The following ERBB4 variants were observed in gnomAD, a reference collection of about 807,000 sequenced individuals.
ERBB4 encodes receptor tyrosine-protein kinase erbB-4.
ERBB4 carries 42 observed loss-of-function variants against 158.0 expected under a neutral mutation model. The ratio of observed to expected loss-of-function variants is 0.27; its 90% CI spans 0.21 to 0.34. The LOEUF is 0.34. Among genes scored for constraint, ERBB4 ranks in the 10% least tolerant of loss-of-function variants. ERBB4 has a pLI of 1.00. For synonymous variants in ERBB4, 583 were observed against 558.7 expected, an observed-to-expected ratio of 1.04 and a Z score of -0.61; for missense variants, 1,333 against 1,624.1, an observed-to-expected ratio of 0.82 and a Z score of 3.08.
intron 2 of ERBB4, among the ~76,000 whole-genome samples, chr2:212,042,009 T>C (rs980778249): frequency 1.3e-5 from 2 of 152,080 alleles, no homozygotes; most frequent in African/African-American, 2.4e-5. Flanking sequence ...TTGTTCCTCT[T>C]TGCCAAGAGG....
At chr2:212,104,576 C>T (rs951449448) in intron 2 of ERBB4, among the ~76,000 whole-genome samples, 2 of 151,990 alleles carry the variant, frequency 1.3e-5, no homozygotes, top group African/African-American at 2.4e-5. Context: ...CATTAATATA[C>T]TCATTTTACA....
rs769458178 is a variant in ERBB4, at chr2:211,570,325, C to CTTTTTTTTTT, written c.2302-8247_2302-8238dup. Among the ~76,000 whole-genome samples, 330 of 105,182 alleles carry CTTTTTTTTTT rather than the reference C, an allele frequency of 3.1e-3. 19 individuals carry two copies. The highest frequency in any genetic ancestry group is 0.011 in the African/African-American group (280 of 25,334). The allele number at this position is 105,182 out of a possible 152,430, so 69.0% of individuals were successfully genotyped here. ...CGCCACCACACTTGGCTAATTTTTG[C>CTTTTTTTTTT]TTTTTTTTTTTTTTTTTTCTCAGTA... On this transcript the variant is annotated intron_variant, in intron 19 of 27. Transcript: ENST00000342788.
At chr2:211,758,808 G>C (rs147258910) in intron 4 of ERBB4, among the ~76,000 whole-genome samples, 79 of 152,300 alleles carry the variant, frequency 5.2e-4, no homozygotes, top group African/African-American at 1.7e-3. Flanking sequence ...ATATGTAGTG[G>C]TGGGCCTTCC....
intron 3 of ERBB4, among the ~76,000 whole-genome samples, chr2:211,804,223 T>G (rs1575169694): frequency 6.6e-6 from 1 of 152,126 alleles, no homozygotes; most frequent in East Asian, 1.9e-4. Context: ...ATAAAAAATC[T>G]AAAGATTAGA....
At chr2:211,744,849 G>A (rs562703097) in intron 5 of ERBB4, among the ~76,000 whole-genome samples, 1 of 152,166 alleles carries the variant, frequency 6.6e-6, no homozygotes, top group Non-Finnish European at 1.5e-5. Flanking sequence ...AAGTCTCAAA[G>A]AATAATTATC....
chr2:211,630,303 C>T (rs142409433), intron 17 of ERBB4, among the ~76,000 whole-genome samples, 159 bp downstream of exon 17: 2 of 152,162 alleles, frequency 1.3e-5, no homozygotes, highest in African/African-American at 4.8e-5. Context: ...ACAACATAAT[C>T]TGATTTTTCA....
intron 3 of ERBB4, among the ~76,000 whole-genome samples, chr2:211,897,987 C>A (rs1184208411): frequency 6.6e-6 from 1 of 151,942 alleles, no homozygotes; most frequent in African/African-American, 2.4e-5. Flanking sequence ...TGGTCTTGAA[C>A]TCCTGAGTTC....
At chr2:211,713,866 C>T (rs1194563063) in intron 7 of ERBB4, among the ~76,000 whole-genome samples, 1 of 152,138 alleles carries the variant, frequency 6.6e-6, no homozygotes, top group Admixed American at 6.5e-5. Context: ...TGCTTGGTTA[C>T]TGCTCCACAT....
intron 2 of ERBB4, among the ~76,000 whole-genome samples, chr2:212,028,984 C>A (rs1228045579): frequency 6.6e-6 from 1 of 152,128 alleles, no homozygotes; most frequent in South Asian, 2.1e-4. Flanking sequence ...GGGGTGGAAG[C>A]AGATTTCCAC....
intron 1 of ERBB4, among the ~76,000 whole-genome samples, chr2:212,193,119 C>T (rs2082322599): frequency 1.3e-5 from 2 of 152,088 alleles, no homozygotes; most frequent in Non-Finnish European, 2.9e-5. Context: ...CATGTTTTTA[C>T]CTCCTGGGTT....
chr2:211,547,412 C>T (rs1453785602), intron 20 of ERBB4, among the ~76,000 whole-genome samples: 1 of 151,956 alleles, frequency 6.6e-6, no homozygotes, highest in African/African-American at 2.4e-5. Flanking sequence ...CAGAAAAAGG[C>T]AAATCTTATC....
At position 211,999,731 on chromosome 2, in the gene ERBB4, T is replaced by C. The variant is rs76660311; in HGVS notation, c.235-52115A>G. 1.1e-4 allele frequency among the ~76,000 whole-genome samples: 17 copies of C among 151,938 alleles called. No homozygotes were observed. The East Asian group carries it at 2.7e-3, about 24-fold the overall frequency. On this transcript the variant is annotated intron_variant, in intron 2 of 27. Transcript: ENST00000342788. ...TGCTTGAATTTCTTTTACCTCTGTC[T>C]ATAATTTTTGTGTGTGTTGAAGATT...
chr2:211,534,704 G>A (rs1257135914), intron 20 of ERBB4, among the ~76,000 whole-genome samples: 1 of 152,044 alleles, frequency 6.6e-6, no homozygotes, highest in Non-Finnish European at 1.5e-5. Context: ...AGCAGTCAGG[G>A]ATAAAAAGGA....
intron 1 of ERBB4, among the ~76,000 whole-genome samples, chr2:212,145,329 A>C (rs1182784013): frequency 1.3e-5 from 2 of 151,614 alleles, no homozygotes; most frequent in Non-Finnish European, 2.9e-5. Context: ...ACACTATCAG[A>C]GCCTCCTTTT....
At chr2:211,930,065 T>C (rs1408386621) in intron 3 of ERBB4, among the ~76,000 whole-genome samples, 1 of 152,174 alleles carries the variant, frequency 6.6e-6, no homozygotes, top group Non-Finnish European at 1.5e-5. Flanking sequence ...ATTACAATTA[T>C]TTTACAGAAA....
At chr2:211,492,126 A>G (rs1259876896) in intron 20 of ERBB4, among the ~76,000 whole-genome samples, 3 of 152,052 alleles carry the variant, frequency 2.0e-5, no homozygotes, top group Non-Finnish European at 4.4e-5. Flanking sequence ...GGATATATTT[A>G]CCAGCTAAAG....
At chr2:211,487,060 A>G (rs1016183956) in intron 20 of ERBB4, among the ~76,000 whole-genome samples, 1 of 151,338 alleles carries the variant, frequency 6.6e-6, no homozygotes, top group Admixed American at 6.6e-5. Context: ...GGTTTGTTAC[A>G]TATGTATACA....
chr2:211,417,460 T>G (rs2063419309), intron 25 of ERBB4, among the ~76,000 whole-genome samples: 1 of 152,028 alleles, frequency 6.6e-6, no homozygotes, highest in Admixed American at 6.6e-5. Flanking sequence ...GGTGACAGAG[T>G]GAGATCCTGT....
chr2:211,557,085 C>T lies in ERBB4; in HGVS notation c.2487+4818G>A, dbSNP rs1475353223. Among the ~76,000 whole-genome samples, 2 of 152,120 alleles carry T rather than the reference C, an allele frequency of 1.3e-5. 1 individual carries two copies. Among genetic ancestry groups the T allele is most frequent in the Non-Finnish European group, 2.9e-5 (2 of 68,018 alleles). On this transcript the variant is annotated intron_variant, in intron 20 of 27. Coordinates refer to ENST00000342788, the MANE Select transcript of ERBB4 (RefSeq NM_005235.3). ...ATATGGAGAAGATTGAAACTGGACCCCTTCCTTACACCATATACAAAAATC... is the reference window on the plus strand; with the variant it reads ...ATATGGAGAAGATTGAAACTGGACCTCTTCCTTACACCATATACAAAAATC...
Sources: gnomAD v4.1 joint callset for allele counts (sites outside exome capture counted in the v4.1 genomes callset) on GRCh38, gnomAD v4.1.1 for gene constraint, MANE v1.5 for transcripts, NCBI Gene and HGNC (gene_info 2026-07-23, HGNC 2026-07-21) for gene names.